Variants in EHBP1 observed in about 807,000 individuals in gnomAD.
EHBP1 encodes the protein EH domain-binding protein 1.
EHBP1 carries 55 observed loss-of-function variants against 144.0 expected under a neutral mutation model. The observed-to-expected ratio is 0.38, with a 90% CI of 0.31 to 0.48. The LOEUF is 0.48. EHBP1 is among the 20% of genes least tolerant of loss of function. The pLI, the probability that EHBP1 is intolerant of heterozygous loss-of-function variation, is 0.98. For synonymous variants in EHBP1, 469 were observed against 472.7 expected (o/e 0.99, Z 0.10); for missense variants, 1,200 against 1,364.2 (o/e 0.88, Z 1.90).
chr2:62,936,376 A>T (rs763451755), intron 10 of EHBP1, among the ~76,000 whole-genome samples: 9 of 152,304 alleles, frequency 5.9e-5, no homozygotes, highest in Admixed American at 1.3e-4. Context: ...GGTCAGTCAC[A>T]CTACAGGTTT....
intron 5 of EHBP1, 49 bp from the exon 6 acceptor site, chr2:62,826,038 C>G (rs1276706724): frequency 1.5e-6 from 2 of 1,325,842 alleles, no homozygotes; most frequent in Non-Finnish European, 2.0e-6. Flanking sequence ...AAATGTTTGG[C>G]TATAAAATAA....
At chr2:62,803,973 C>G (rs181737179) in intron 5 of EHBP1, among the ~76,000 whole-genome samples, 3 of 152,122 alleles carry the variant, frequency 2.0e-5, no homozygotes, top group East Asian at 3.9e-4. Context: ...TATCTACTTC[C>G]TAGGATTGTT....
At chr2:62,984,798 A>G (rs2059119764) in intron 15 of EHBP1, among the ~76,000 whole-genome samples, 1 of 152,184 alleles carries the variant, frequency 6.6e-6, no homozygotes, top group Admixed American at 6.5e-5. Context: ...CATTGAGTTA[A>G]CCCACTCAGC....
rs966303388 is a variant in EHBP1, at chr2:62,718,854, T to C, written c.104+11559T>C. Among the ~76,000 whole-genome samples, 29 of 152,248 alleles carry C rather than the reference T, an allele frequency of 1.9e-4. 1 individual carries two copies. The highest frequency in any genetic ancestry group is 6.0e-4 in the African/African-American group (25 of 41,466). ...GAGCAATGTGTTTTAGCTGTGCCAT[T>C]TTAGCTGCCAAAATTAACAAATATT... On this transcript the variant is annotated intron_variant, in intron 2 of 22. Coordinates refer to ENST00000431489, the MANE Select transcript of EHBP1 (RefSeq NM_001142616.3).
intron 5 of EHBP1, among the ~76,000 whole-genome samples, chr2:62,785,298 T>C (rs1573337401): frequency 2.0e-5 from 3 of 152,186 alleles, no homozygotes; most frequent in Admixed American, 2.0e-4. Context: ...AATTGAAATG[T>C]GCAAAACTGA....
intron 19 of EHBP1, among the ~76,000 whole-genome samples, chr2:63,000,611 C>A (rs993424725): frequency 6.6e-6 from 1 of 152,086 alleles, no homozygotes; most frequent in African/African-American, 2.4e-5. Context: ...GCAGGATAAT[C>A]TCTTGAACCT....
intron 5 of EHBP1, among the ~76,000 whole-genome samples, chr2:62,782,082 T>C (rs1489407644): frequency 6.6e-6 from 1 of 152,220 alleles, no homozygotes; most frequent in Non-Finnish European, 1.5e-5. Flanking sequence ...CTGAAACCCA[T>C]GCATTTTACC....
chr2:63,016,862 A>G (rs1203310608), intron 19 of EHBP1, among the ~76,000 whole-genome samples: 1 of 152,224 alleles, frequency 6.6e-6, no homozygotes, highest in Non-Finnish European at 1.5e-5. Flanking sequence ...CAGCTCTCCA[A>G]GGTCTTCATG....
At chr2:62,873,215 T>C (rs1434940170) in intron 9 of EHBP1, among the ~76,000 whole-genome samples, 1 of 152,132 alleles carries the variant, frequency 6.6e-6, no homozygotes. Flanking sequence ...GAAATAGGAT[T>C]ATACATGCAA....
chr2:62,837,138 CT>C (rs1406753483), intron 7 of EHBP1, among the ~76,000 whole-genome samples: 10 of 147,442 alleles, frequency 6.8e-5, no homozygotes, highest in African/African-American at 2.5e-4. Flanking sequence ...AACAGCGGAT[CT>C]CTCGGCAGAA....
intron 7 of EHBP1, among the ~76,000 whole-genome samples, chr2:62,832,868 C>T (rs995774212): frequency 4.3e-4 from 66 of 152,066 alleles, no homozygotes; most frequent in Non-Finnish European, 4.7e-4. Context: ...GGAAGAGTTG[C>T]ATGTATTTTC....
chr2:62,854,967 C>T (rs1379483085), intron 7 of EHBP1, among the ~76,000 whole-genome samples: 1 of 152,158 alleles, frequency 6.6e-6, no homozygotes, highest in Non-Finnish European at 1.5e-5. Flanking sequence ...GACCCTGGAG[C>T]AGGTGGGAGC....
chr2:62,734,399 C>CT (rs70962792), intron 2 of EHBP1, among the ~76,000 whole-genome samples: 20,492 of 127,682 alleles, frequency 0.16, 1,735 homozygotes, highest in Middle Eastern at 0.28. Context: ...TGGCATGTGT[C>CT]TTTTTTTTTT....
upstream of EHBP1, among the ~76,000 whole-genome samples, chr2:62,702,672 T>C (rs1378127771): frequency 6.6e-6 from 1 of 152,258 alleles, no homozygotes; most frequent in Non-Finnish European, 1.5e-5. Context: ...TAATATTGAA[T>C]GTACTCTTTA....
chr2:63,003,755 A>T (rs1195535829), intron 19 of EHBP1, among the ~76,000 whole-genome samples: 1 of 152,084 alleles, frequency 6.6e-6, no homozygotes, highest in African/African-American at 2.4e-5. Context: ...GCCAGAGGGG[A>T]TTATAATTCC....
At chr2:62,851,397 A>G (rs1398320002) in intron 7 of EHBP1, among the ~76,000 whole-genome samples, 1 of 152,058 alleles carries the variant, frequency 6.6e-6, no homozygotes, top group Admixed American at 6.6e-5. Flanking sequence ...ATCCTCTTTT[A>G]TTTTAATAAT....
chr2:62,830,157 C>T (rs1165760982), intron 6 of EHBP1, among the ~76,000 whole-genome samples: 1 of 59,348 alleles, frequency 1.7e-5, no homozygotes, highest in South Asian at 4.1e-4. Flanking sequence ...TATATAGACA[C>T]ACACACACAC....
intron 10 of EHBP1, among the ~76,000 whole-genome samples, chr2:62,875,120 C>A (rs780602522): frequency 1.3e-5 from 2 of 152,206 alleles, no homozygotes; most frequent in Non-Finnish European, 1.5e-5. Flanking sequence ...TGTATGTGCA[C>A]CCCACCTCAT....
intron 10 of EHBP1, among the ~76,000 whole-genome samples, chr2:62,889,890 C>T (rs931000489): frequency 6.6e-6 from 1 of 150,814 alleles, no homozygotes; most frequent in African/African-American, 2.4e-5. Context: ...TATGATGCCT[C>T]TAGCTTTGTT....
Sources: allele counts gnomAD v4.1 joint callset (sites outside exome capture counted in the v4.1 genomes callset), GRCh38; gene constraint gnomAD v4.1.1; transcripts MANE v1.5; gene names NCBI Gene and HGNC (gene_info 2026-07-23, HGNC 2026-07-21).